Variants in NFE2L2 observed in about 807,000 individuals in gnomAD.
NFE2L2 encodes nuclear factor erythroid 2-related factor 2.
In NFE2L2, 20 loss-of-function variants were observed where a neutral mutation model predicts 49.6. The ratio of observed to expected loss-of-function variants is 0.40; its 90% CI spans 0.28 to 0.59. NFE2L2 has a LOEUF of 0.59. Ranked by LOEUF, NFE2L2 falls within the 20% of genes least tolerant of loss-of-function variation. The pLI is 0.40. For synonymous variants in NFE2L2, 244 were observed against 256.5 expected, an observed-to-expected ratio of 0.95 and a Z score of 0.47; for missense variants, 578 against 714.2, an observed-to-expected ratio of 0.81 and a Z score of 2.17.
intron 1 of NFE2L2, among the ~76,000 whole-genome samples, chr2:177,257,966 C>T (rs1157415115): frequency 6.6e-6 from 1 of 152,224 alleles, no homozygotes; most frequent in Non-Finnish European, 1.5e-5. Flanking sequence ...TGGACTGCTG[C>T]CCTAGGGCAC....
In NFE2L2 at chr2:177,230,684, A is replaced by G. The variant is rs538545050; in HGVS notation, c.*101T>C. 3 of 1,337,966 alleles carry G rather than the reference A, an allele frequency of 2.2e-6. No individual in the cohort carries two copies. The highest frequency in any genetic ancestry group is 1.7e-5 in the South Asian group (1 of 57,174). The allele number at this position is 1,337,966 out of a possible 1,614,324, so 82.9% of individuals were successfully genotyped here. A position where few individuals can be genotyped will look rare whatever the true frequency, so the allele number is the denominator to read the frequency against. On this transcript the variant is annotated 3_prime_UTR_variant, in exon 5 of 5. Transcript: ENST00000397062. Reference sequence around the variant, plus strand: ...ATACTAGTTTTGGCTATGATTTTGCATAGAATTACTTATAAAGTATGAGCA... The same window carrying G: ...ATACTAGTTTTGGCTATGATTTTGCGTAGAATTACTTATAAAGTATGAGCA...
intron 1 of NFE2L2, among the ~76,000 whole-genome samples, chr2:177,246,400 G>A (rs914487343): frequency 4.6e-5 from 7 of 152,014 alleles, no homozygotes; most frequent in Admixed American, 1.3e-4. Flanking sequence ...AGGTGTACAT[G>A]GTATAAGATT....
At chr2:177,255,457 G>A (rs761135010) in intron 1 of NFE2L2, among the ~76,000 whole-genome samples, 40 of 152,194 alleles carry the variant, frequency 2.6e-4, no homozygotes, top group Admixed American at 7.2e-4. Context: ...CTTGGTTCTG[G>A]TCTCTGCTTG....
Position 177,231,896 on chromosome 2 carries a change from T to A in NFE2L2, c.707A>T (p.Glu236Val), listed in dbSNP as rs1336333182. The A allele has an allele frequency of 1.2e-6, 2 of 1,614,220 alleles. No homozygotes were observed. Among genetic ancestry groups the A allele is most frequent in the Non-Finnish European group, 1.7e-6 (2 of 1,180,034 alleles). Residue 236 changes from glutamate to valine, a missense_variant, in exon 5 of 5, where the codon GAA becomes GTA. Glu to Val is a moderately radical substitution (Grantham distance 121). Around this residue, in one of 3 missense-constraint regions of NFE2L2, gnomAD observed 368 missense variants for 384.6 expected, o/e 0.96. Transcript: ENST00000397062. Reference sequence around the variant, plus strand: ...TGGACTACAGTTACCTACTTCTTTTTCCATTGAGGGTATAGATGAGTAAAA... The same window carrying A: ...TGGACTACAGTTACCTACTTCTTTTACCATTGAGGGTATAGATGAGTAAAA... ...YHFYSSIPSMEKEVGNCSPHF... is the reference protein window; with the variant it reads ...YHFYSSIPSMVKEVGNCSPHF...
chr2:177,263,515 T>C, intron 1 of NFE2L2: 1 of 985,440 alleles, frequency 1.0e-6, no homozygotes, highest in Non-Finnish European at 1.2e-6. Flanking sequence ...GCGCAACAGA[T>C]CAACAGCTCC....
chr2:177,254,203 C>A (rs1263871498), intron 1 of NFE2L2, among the ~76,000 whole-genome samples: 1 of 152,182 alleles, frequency 6.6e-6, no homozygotes, highest in Non-Finnish European at 1.5e-5. Context: ...TCAGCAGTAA[C>A]AATTACCATA....
chr2:177,247,587 G>A lies in NFE2L2; in HGVS notation c.46-13316C>T, dbSNP rs543320811. ...GAGGCAAGAGAATCGCTTGAACCCAGGAGGCGGAGGTTATGGTGACCCAAG... is the reference window on the plus strand; with the variant it reads ...GAGGCAAGAGAATCGCTTGAACCCAAGAGGCGGAGGTTATGGTGACCCAAG... On this transcript the variant is annotated intron_variant, in intron 1 of 4. Coordinates refer to ENST00000397062, the MANE Select transcript of NFE2L2 (RefSeq NM_006164.5). Among the ~76,000 whole-genome samples the A allele has an allele frequency of 2.3e-3, 342 of 151,788 alleles. 1 individual carries two copies. The highest frequency in any genetic ancestry group is 2.9e-3 in the Admixed American group (44 of 15,248).
At position 177,264,582 on chromosome 2, in the gene NFE2L2, G is replaced by A; in HGVS notation, c.-6C>T. The A allele has an allele frequency of 6.8e-7, 1 of 1,480,922 alleles. No individual in the cohort carries two copies. The highest frequency in any genetic ancestry group is 9.0e-7 in the Non-Finnish European group (1 of 1,111,858). The allele number at this position is 1,480,922 out of a possible 1,614,324, so 91.7% of individuals were successfully genotyped here. A position where few individuals can be genotyped will look rare whatever the true frequency, so the allele number is the denominator to read the frequency against. ...GGCAGCTCCAAGTCCATCATGATGA[G>A]CTGTGGACCGTGTGTTGGGGCTCCC... is the stretch of plus-strand genomic sequence containing the variant. On this transcript the variant is annotated 5_prime_UTR_variant, in exon 1 of 5. Transcript: ENST00000397062.
chr2:177,248,848 C>T (rs1690229858), intron 1 of NFE2L2, among the ~76,000 whole-genome samples: 1 of 152,156 alleles, frequency 6.6e-6, no homozygotes, highest in African/African-American at 2.4e-5. Flanking sequence ...CCCTTTCAGG[C>T]AGATCATGTC....
chr2:177,263,063 A>C (rs1314796533), intron 1 of NFE2L2, among the ~76,000 whole-genome samples: 1 of 152,284 alleles, frequency 6.6e-6, no homozygotes, highest in Non-Finnish European at 1.5e-5. Context: ...TTTACTGTAC[A>C]TCAAGTACAC....
In NFE2L2 at chr2:177,235,740, T is replaced by C. The variant is rs550522005; in HGVS notation, c.46-1469A>G. On this transcript the variant is annotated intron_variant, in intron 1 of 4. Coordinates refer to ENST00000397062, the MANE Select transcript of NFE2L2 (RefSeq NM_006164.5). ...TATTAGGGAGACTGAAGTGAGAGGA[T>C]TGCTTGAGCCCAGGAAGTCAAGGCC... 5.3e-5 allele frequency among the ~76,000 whole-genome samples: 8 copies of C among 152,168 alleles called. No homozygotes were observed. In the South Asian group the frequency reaches 6.2e-4, roughly 12 times the overall value.
Position 177,253,400 on chromosome 2 carries a change from T to TCTTTA in NFE2L2, c.45+11131_45+11132insTAAAG, listed in dbSNP as rs141266257. ...AATTACACAAAAGATTAAAATACAG[T>TCTTTA]CTTAGAGGAACTCATATCCTAAGCA... On this transcript the variant is annotated intron_variant, in intron 1 of 4. Coordinates refer to ENST00000397062, the MANE Select transcript of NFE2L2 (RefSeq NM_006164.5). Among the ~76,000 whole-genome samples the TCTTTA allele has an allele frequency of 7.2e-3, 1,093 of 152,160 alleles. 14 individuals are homozygous for TCTTTA. The highest frequency in any genetic ancestry group is 0.024 in the South Asian group (118 of 4,820).
chr2:177,264,212 G>A, intron 1 of NFE2L2: 1 of 305,188 alleles, frequency 3.3e-6, no homozygotes, highest in Non-Finnish European at 6.0e-6. Flanking sequence ...AGGGGCTCCG[G>A]AGTCCCAGCT....
At chr2:177,237,677 C>G (rs1689796418) in intron 1 of NFE2L2, among the ~76,000 whole-genome samples, 1 of 152,170 alleles carries the variant, frequency 6.6e-6, no homozygotes, top group South Asian at 2.1e-4. Context: ...TGCCACCATG[C>G]CCGGCTAATT....
intron 1 of NFE2L2, among the ~76,000 whole-genome samples, chr2:177,242,875 C>T (rs1689986429): frequency 6.6e-6 from 1 of 151,740 alleles, no homozygotes; most frequent in Non-Finnish European, 1.5e-5. Context: ...GAGAGGTTCA[C>T]ATCTGAGTCC....
At chr2:177,261,166 A>C in intron 1 of NFE2L2, among the ~76,000 whole-genome samples, 1 of 104,444 alleles carries the variant, frequency 9.6e-6, no homozygotes, top group African/African-American at 4.3e-5. Flanking sequence ...ACAAGACTTC[A>C]TCTCAAAAAA....
intron 1 of NFE2L2, among the ~76,000 whole-genome samples, chr2:177,235,842 G>A (rs1476484297): frequency 6.6e-6 from 1 of 152,082 alleles, no homozygotes; most frequent in Non-Finnish European, 1.5e-5. Context: ...AAAGATACAT[G>A]GGGAGAGAAT....
intron 1 of NFE2L2, among the ~76,000 whole-genome samples, chr2:177,246,076 C>T (rs1690115431): frequency 1.3e-5 from 2 of 152,204 alleles, no homozygotes. Context: ...ACAACAGACA[C>T]GTTCTGGAAA....
chr2:177,231,094 C>G lies in NFE2L2; in HGVS notation c.1509G>C (p.Arg503Ser). ...GAGCAGCCACTTTATTCTTACCCCT[C>G]CTACGTATATCCCGAATTAATGCAA... ...AQLALIRDIR[R>S]RGKNKVAAQN... Residue 503 changes from arginine to serine, a missense_variant, in exon 5 of 5, where the codon AGG (arginine) becomes AGC (serine). By Grantham distance (110) the Arg-to-Ser change is moderately radical. Transcript: ENST00000397062. 6.2e-7 allele frequency: 1 copy of G among 1,614,108 alleles called. No homozygotes were observed. The highest frequency in any genetic ancestry group is 8.5e-7 in the Non-Finnish European group (1 of 1,180,048).
Sources: allele counts gnomAD v4.1 joint callset (sites outside exome capture counted in the v4.1 genomes callset), GRCh38; gene constraint gnomAD v4.1.1; regional missense constraint gnomAD v4.1.1; transcripts MANE v1.5; gene names NCBI Gene and HGNC (gene_info 2026-07-23, HGNC 2026-07-21).